The following PXDNL variants were observed in gnomAD, a reference collection of about 807,000 sequenced individuals.
The protein encoded by PXDNL is peroxidasin like.
PXDNL carries 145 observed loss-of-function variants against 150.8 expected under a neutral mutation model. The observed-to-expected ratio is 0.96, with a 90% CI of 0.84 to 1.10. The LOEUF (loss-of-function observed/expected upper bound fraction) is 1.10. PXDNL is among the 50% of genes least tolerant of loss of function. PXDNL has a pLI of 0.00. For missense variants in PXDNL, 2,087 were observed against 1,873.9 expected, an observed-to-expected ratio of 1.11 and a Z score of -2.10; for synonymous variants, 757 against 725.7, an observed-to-expected ratio of 1.04 and a Z score of -0.69.
At chr8:51,671,980 C>T (rs565254987) in intron 1 of PXDNL, among the ~76,000 whole-genome samples, 1 of 152,210 alleles carries the variant, frequency 6.6e-6, no homozygotes, top group African/African-American at 2.4e-5. Flanking sequence ...TATTGCAAGT[C>T]AAAACATTCT....
chr8:51,642,512 C>G (rs909143567), intron 2 of PXDNL, among the ~76,000 whole-genome samples: 8 of 152,070 alleles, frequency 5.3e-5, no homozygotes, highest in Admixed American at 2.6e-4. Flanking sequence ...TAAAAACTGT[C>G]AACAAATTAG....
rs569968871 is a variant in PXDNL at position 51,754,349 on chromosome 8, G to A, written c.164+54832C>T. 3.9e-5 allele frequency among the ~76,000 whole-genome samples: 6 copies of A among 152,280 alleles called. No individual in the cohort carries two copies. The South Asian group carries it at 1.2e-3, about 32-fold the overall frequency. ...CCCAGGGGCTGTTGATCCCATTGCG[G>A]GTGGTTCTGAGAGCACACAAAAGAA... On this transcript the variant is annotated intron_variant, in intron 1 of 22. Transcript: ENST00000356297.
At chr8:51,682,783 G>A (rs1294745864) in intron 1 of PXDNL, among the ~76,000 whole-genome samples, 2 of 152,068 alleles carry the variant, frequency 1.3e-5, no homozygotes, top group Non-Finnish European at 1.5e-5. Flanking sequence ...TTTGACTAAA[G>A]CAGTGGTTCT....
intron 2 of PXDNL, among the ~76,000 whole-genome samples, chr8:51,635,835 C>T (rs574811839): frequency 2.6e-5 from 4 of 152,102 alleles, no homozygotes; most frequent in South Asian, 2.1e-4. Context: ...GAGGAAAGAA[C>T]GCTTCTTAAC....
intron 6 of PXDNL, among the ~76,000 whole-genome samples, chr8:51,483,124 A>G (rs1006534201): frequency 1.1e-4 from 17 of 152,244 alleles, no homozygotes; most frequent in African/African-American, 4.1e-4. Context: ...GTGGAGACAC[A>G]GGTGGAAAAA....
intron 1 of PXDNL, among the ~76,000 whole-genome samples, chr8:51,714,426 C>G (rs1255328092): frequency 1.3e-5 from 2 of 152,182 alleles, no homozygotes; most frequent in Non-Finnish European, 1.5e-5. Context: ...CTAGAGCAAA[C>G]AGACACTTCA....
rs759479601 is a variant in PXDNL at position 51,475,153 on chromosome 8, G to C, written c.525-12C>G. 4 of 1,607,664 alleles carry C rather than the reference G, an allele frequency of 2.5e-6. No individual in the cohort carries two copies. In the South Asian group the frequency reaches 4.4e-5, roughly 18 times the overall value. On this transcript the variant is annotated splice_polypyrimidine_tract_variant and intron_variant, in intron 6 of 22. Transcript: ENST00000356297. ...TGGAATCCAGACGCCTAGGCATGCA[G>C]GCAAGAAGTACAACTGTTAAAAGGG... is the stretch of plus-strand genomic sequence containing the variant.
intron 2 of PXDNL, among the ~76,000 whole-genome samples, chr8:51,612,702 G>A (rs1279317613): frequency 6.6e-6 from 1 of 152,214 alleles, no homozygotes. Flanking sequence ...GACACAGGGA[G>A]AAGTTGGCAG....
chr8:51,729,413 A>G, intron 1 of PXDNL, among the ~76,000 whole-genome samples: 1 of 152,174 alleles, frequency 6.6e-6, no homozygotes, highest in African/African-American at 2.4e-5. Context: ...TTAATATCAT[A>G]GTCATTAGAA....
intron 1 of PXDNL, among the ~76,000 whole-genome samples, chr8:51,725,260 C>T (rs10107005): frequency 0.023 from 3,506 of 152,238 alleles, 123 homozygotes; most frequent in African/African-American, 0.076. Flanking sequence ...GCACCATGTC[C>T]GTCGATCACA....
intron 4 of PXDNL, among the ~76,000 whole-genome samples, chr8:51,534,174 C>G (rs1206618592): frequency 7.1e-6 from 1 of 141,028 alleles, no homozygotes; most frequent in African/African-American, 3.1e-5. Context: ...TGCTGGGCCA[C>G]AACCCTGTCT....
intron 3 of PXDNL, among the ~76,000 whole-genome samples, chr8:51,565,080 A>T (rs1000694932): frequency 6.6e-6 from 1 of 151,776 alleles, no homozygotes; most frequent in African/African-American, 2.4e-5. Context: ...CAGGTTAAGC[A>T]TCCCTAATCC....
chr8:51,571,761 T>C (rs1812949202), intron 3 of PXDNL, among the ~76,000 whole-genome samples: 1 of 151,862 alleles, frequency 6.6e-6, no homozygotes, highest in African/African-American at 2.4e-5. Flanking sequence ...TTAAGCTTAT[T>C]TGTGTAGTTA....
At chr8:51,564,021 ATGTT>A (rs2130567291) in intron 3 of PXDNL, among the ~76,000 whole-genome samples, 1 of 152,166 alleles carries the variant, frequency 6.6e-6, no homozygotes, top group Non-Finnish European at 1.5e-5. Context: ...TCATGAAAAA[ATGTT>A]TGACTACATG....
At chr8:51,347,912 A>T (rs1563367996) in intron 19 of PXDNL, among the ~76,000 whole-genome samples, 1 of 152,168 alleles carries the variant, frequency 6.6e-6, no homozygotes, top group Non-Finnish European at 1.5e-5. Context: ...TAAAAAAAAA[A>T]TACATAGAAA....
At chr8:51,603,064 T>C (rs1158831316) in intron 2 of PXDNL, among the ~76,000 whole-genome samples, 1 of 151,888 alleles carries the variant, frequency 6.6e-6, no homozygotes, top group Non-Finnish European at 1.5e-5. Flanking sequence ...GATATATTTA[T>C]AGTTTCCCCT....
chr8:51,563,787 C>A (rs897339087), intron 3 of PXDNL, among the ~76,000 whole-genome samples: 4 of 151,934 alleles, frequency 2.6e-5, no homozygotes. Context: ...CAGTAAGTTG[C>A]AAAAGTTGCA....
In PXDNL at chr8:51,372,094, C is replaced by CG; in HGVS notation, c.3693-14_3693-13insC. 5 of 1,280,674 alleles carry CG rather than the reference C, an allele frequency of 3.9e-6. No homozygotes were observed. The highest frequency in any genetic ancestry group is 5.4e-6 in the Non-Finnish European group (5 of 929,450). The allele number at this position is 1,280,674 out of a possible 1,614,324, so 79.3% of individuals were successfully genotyped here. ...TTCATACCAGAACCTGGTAGTCAAC[C>CG]AAAAAAAAAACATTGTCGTGGGTCT... On this transcript the variant is annotated splice_polypyrimidine_tract_variant and intron_variant, in intron 18 of 22. Transcript: ENST00000356297.
intron 8 of PXDNL, among the ~76,000 whole-genome samples, chr8:51,466,229 C>T (rs1779201489): frequency 6.6e-6 from 1 of 151,968 alleles, no homozygotes; most frequent in African/African-American, 2.4e-5. Flanking sequence ...GAATAGAGAA[C>T]CCAGAAATAA....
Sources: gnomAD v4.1 joint callset for allele counts (sites outside exome capture counted in the v4.1 genomes callset) on GRCh38, gnomAD v4.1.1 for gene constraint, MANE v1.5 for transcripts, NCBI Gene and HGNC (gene_info 2026-07-23, HGNC 2026-07-21) for gene names.